CACNG3: variants seen among roughly 807,000 people sequenced by gnomAD.
CACNG3 encodes voltage-dependent calcium channel gamma-3 subunit.
In CACNG3, 3 loss-of-function variants were observed where a neutral mutation model predicts 28.5. That is an observed-to-expected ratio of 0.11 (90% CI 0.05 to 0.27). The LOEUF (loss-of-function observed/expected upper bound fraction) is 0.27, where lower values mean the gene tolerates loss of function less well. Ranked by LOEUF, CACNG3 falls within the 10% of genes least tolerant of loss-of-function variation. CACNG3 has a pLI of 1.00. For missense variants in CACNG3, 236 were observed against 414.4 expected (o/e 0.57, Z 3.74); for synonymous variants, 174 against 162.2 (o/e 1.07, Z -0.55).
chr16:24,313,969 T>C (rs1353048950), intron 1 of CACNG3, among the ~76,000 whole-genome samples: 1 of 152,190 alleles, frequency 6.6e-6, no homozygotes, highest in Non-Finnish European at 1.5e-5. Flanking sequence ...GGTCTTGAAC[T>C]CGTGGCCTCA....
At chr16:24,316,937 C>T (rs758976768) in intron 1 of CACNG3, among the ~76,000 whole-genome samples, 1 of 152,170 alleles carries the variant, frequency 6.6e-6, no homozygotes, top group African/African-American at 2.4e-5. Flanking sequence ...TTAGTGTCCT[C>T]GCCAGTGAAA....
chr16:24,298,513 A>C (rs887757774), intron 1 of CACNG3, among the ~76,000 whole-genome samples: 2 of 152,206 alleles, frequency 1.3e-5, no homozygotes, highest in East Asian at 3.8e-4. Context: ...TTTTTATTCT[A>C]GAATAGTTTT....
At chr16:24,295,218 G>A (rs1899016337) in intron 1 of CACNG3, among the ~76,000 whole-genome samples, 1 of 152,176 alleles carries the variant, frequency 6.6e-6, no homozygotes, top group Non-Finnish European at 1.5e-5. Context: ...CTTGCCGCCT[G>A]AACTGGAGCC....
intron 2 of CACNG3, among the ~76,000 whole-genome samples, chr16:24,347,162 T>TA (rs1220874138): frequency 7.9e-5 from 12 of 151,858 alleles, no homozygotes. Flanking sequence ...TACAAAAAAT[T>TA]AAAAAATTAG....
intron 1 of CACNG3, among the ~76,000 whole-genome samples, chr16:24,291,211 G>A (rs369135494): frequency 1.3e-5 from 2 of 152,302 alleles, no homozygotes; most frequent in East Asian, 1.9e-4. Flanking sequence ...CAATAGCCAC[G>A]TTGTTGTTGC....
At chr16:24,357,052 T>C (rs1475052164) in intron 3 of CACNG3, among the ~76,000 whole-genome samples, 1 of 152,000 alleles carries the variant, frequency 6.6e-6, no homozygotes, top group Non-Finnish European at 1.5e-5. Context: ...CTGGCCAACG[T>C]GGTGAAACCT....
chr16:24,303,552 A>G (rs1899142482), intron 1 of CACNG3, among the ~76,000 whole-genome samples: 1 of 143,724 alleles, frequency 7.0e-6, no homozygotes, highest in African/African-American at 2.6e-5. Flanking sequence ...ACCCCCCACC[A>G]CCTCTCTATC....
intron 1 of CACNG3, among the ~76,000 whole-genome samples, chr16:24,336,198 C>G (rs1899704963): frequency 6.6e-6 from 1 of 151,616 alleles, no homozygotes; most frequent in Admixed American, 6.6e-5. Flanking sequence ...GCACTCCAGC[C>G]TGGGCAGCAG....
At chr16:24,321,833 G>A (rs564312990) in intron 1 of CACNG3, among the ~76,000 whole-genome samples, 4 of 152,174 alleles carry the variant, frequency 2.6e-5, no homozygotes, top group Admixed American at 1.3e-4. Flanking sequence ...TGCTATAATT[G>A]TGCTGTTTTA....
In CACNG3 at chr16:24,361,275, T is replaced by C. The variant is rs927880920; in HGVS notation, c.437-77T>C. The stretch of plus-strand genomic sequence containing the variant: ...CTCCCCATTACCTCCACATTTTCTA[T>C]AAATATTTTAAGATGGAAAGTGACA... On this transcript the variant is annotated intron_variant, in intron 3 of 3. Coordinates refer to ENST00000005284, the MANE Select transcript of CACNG3 (RefSeq NM_006539.4). The surrounding 1 kb of genome is among the most constrained non-coding windows in gnomAD (Gnocchi z 6.8). 3.4e-6 allele frequency: 4 copies of C among 1,191,842 alleles called. No individual in the cohort carries two copies. The African/African-American group carries it at 6.1e-5, about 18-fold the overall frequency. The allele number at this position is 1,191,842 out of a possible 1,614,324, so 73.8% of individuals were successfully genotyped here.
chr16:24,351,383 C>T (rs940290044), intron 2 of CACNG3, among the ~76,000 whole-genome samples: 2 of 151,788 alleles, frequency 1.3e-5, no homozygotes, highest in Non-Finnish European at 2.9e-5. Flanking sequence ...ACCAACCAGA[C>T]CAATATGGTG....
chr16:24,296,353 T>C (rs1220194059), intron 1 of CACNG3, among the ~76,000 whole-genome samples: 10 of 152,234 alleles, frequency 6.6e-5, no homozygotes, highest in Admixed American at 6.5e-4. Context: ...CAGACCTGCA[T>C]AGCAACTGTC....
intron 1 of CACNG3, among the ~76,000 whole-genome samples, chr16:24,273,831 A>C (rs1341278111): frequency 1.3e-5 from 2 of 152,086 alleles, no homozygotes; most frequent in Non-Finnish European, 2.9e-5. Context: ...GGCATTTCTG[A>C]TGGACTCAAG....
intron 1 of CACNG3, among the ~76,000 whole-genome samples, chr16:24,330,416 A>C (rs1265985079): frequency 2.6e-5 from 4 of 151,428 alleles, no homozygotes; most frequent in Non-Finnish European, 2.9e-5. Context: ...GGTCTCAAAT[A>C]CTCCCTGAGG....
At chr16:24,305,317 AAT>A (rs1491238762) in intron 1 of CACNG3, among the ~76,000 whole-genome samples, 29 of 112,110 alleles carry the variant, frequency 2.6e-4, no homozygotes, top group African/African-American at 7.9e-4. Context: ...TATATACATA[AAT>A]ATGTGTGTGT....
At chr16:24,286,486 T>A (rs1047730385) in intron 1 of CACNG3, among the ~76,000 whole-genome samples, 3 of 151,656 alleles carry the variant, frequency 2.0e-5, no homozygotes, top group Non-Finnish European at 4.4e-5. Context: ...TGAAAGGAGA[T>A]CCCCTAGAAT....
At chr16:24,341,463 T>C (rs1339261405) in intron 1 of CACNG3, among the ~76,000 whole-genome samples, 6 of 152,234 alleles carry the variant, frequency 3.9e-5, no homozygotes, top group Non-Finnish European at 2.9e-5. Context: ...ACTGAGTTCC[T>C]ACCATACTCC....
chr16:24,332,327 C>T lies in CACNG3; in HGVS notation c.212-14407C>T, dbSNP rs1027149893. 1.4e-4 allele frequency among the ~76,000 whole-genome samples: 21 copies of T among 152,124 alleles called. 1 individual carries two copies. Among genetic ancestry groups the T allele is most frequent in the Admixed American group, 3.3e-4 (5 of 15,256 alleles). On this transcript the variant is annotated intron_variant, in intron 1 of 3. Coordinates refer to ENST00000005284, the MANE Select transcript of CACNG3 (RefSeq NM_006539.4). ...GTAAAATAAAAAGATTAGCCAAGGG[C>T]GATGACATGCACCTGCAGCTCCAGC...
intron 1 of CACNG3, among the ~76,000 whole-genome samples, chr16:24,311,350 A>C (rs374108601): frequency 2.6e-5 from 4 of 151,142 alleles, no homozygotes; most frequent in African/African-American, 9.8e-5. Flanking sequence ...ATTTCTACTG[A>C]AAATACAAAA....
Sources: gnomAD v4.1 joint callset for allele counts (sites outside exome capture counted in the v4.1 genomes callset) on GRCh38, gnomAD v4.1.1 for gene constraint, Gnocchi (gnomAD v3.1) non-coding constraint, MANE v1.5 for transcripts, NCBI Gene and HGNC (gene_info 2026-07-23, HGNC 2026-07-21) for gene names.